The following MRPS31 variants were observed in gnomAD, a reference collection of about 807,000 sequenced individuals.
MRPS31 encodes the protein small ribosomal subunit protein mS31.
In MRPS31, 32 loss-of-function variants were observed where a neutral mutation model predicts 43.1. The observed-to-expected ratio is 0.74, with a 90% confidence interval of 0.56 to 1.00. MRPS31 has a LOEUF of 1.00. Ranked by LOEUF, MRPS31 falls within the 50% of genes least tolerant of loss-of-function variation. MRPS31 has a pLI of 0.00. For synonymous variants in MRPS31, 165 were observed against 161.6 expected (o/e 1.02, Z -0.16); for missense variants, 437 against 466.7 (o/e 0.94, Z 0.59).
intron 6 of MRPS31, among the ~76,000 whole-genome samples, chr13:40,730,350 T>C (rs1394010792): frequency 1.3e-5 from 2 of 151,570 alleles, no homozygotes; most frequent in Non-Finnish European, 2.9e-5. Context: ...GGTGAAACCC[T>C]ATCTCCACTA....
At chr13:40,734,450 A>C (rs557145481) in intron 6 of MRPS31, among the ~76,000 whole-genome samples, 24 of 152,286 alleles carry the variant, frequency 1.6e-4, no homozygotes, top group Middle Eastern at 3.4e-3. Flanking sequence ...GAAATTCAAT[A>C]TTTTTGTGCA....
intron 3 of MRPS31, among the ~76,000 whole-genome samples, chr13:40,757,303 G>C (rs1276124225): frequency 2.0e-5 from 3 of 152,114 alleles, no homozygotes; most frequent in Non-Finnish European, 4.4e-5. Flanking sequence ...AGTAAAATCA[G>C]TATCTGTTAT....
At chr13:40,761,996 C>T (rs1815998110) in intron 2 of MRPS31, among the ~76,000 whole-genome samples, 2 of 151,684 alleles carry the variant, frequency 1.3e-5, no homozygotes, top group South Asian at 4.2e-4. Context: ...TATCCCAGCA[C>T]TTTGGGAGGC....
chr13:40,756,753 G>A, intron 4 of MRPS31, 120 bp downstream of exon 4: 2 of 1,114,902 alleles, frequency 1.8e-6, no homozygotes, highest in Non-Finnish European at 2.6e-6. Context: ...AGATGTAAAT[G>A]TATTCATAAT....
intron 2 of MRPS31, among the ~76,000 whole-genome samples, chr13:40,762,701 G>A (rs1880732243): frequency 6.6e-6 from 1 of 151,834 alleles, no homozygotes; most frequent in African/African-American, 2.4e-5. Flanking sequence ...CTCCCAAAGT[G>A]CTGGGATTAC....
Position 40,729,591 on chromosome 13 carries a change from A to G in MRPS31, c.969T>C (p.Asp323=), listed in dbSNP as rs1318993963. The change falls in exon 7 of 7, where the codon GAT becomes GAC. Residue 323 remains aspartate, a synonymous_variant. Coordinates refer to ENST00000323563, the MANE Select transcript of MRPS31 (RefSeq NM_005830.4). ...TATGTTCATGAAATTCTGAACCATC[A>G]TCATCAAAACCTAGGAAATGAGACC... ...FPINNEAGFD[D]DGSEFHEHIF... 10 of 1,610,514 alleles carry G rather than the reference A, an allele frequency of 6.2e-6. No homozygotes were observed. The highest frequency in any genetic ancestry group is 8.5e-6 in the Non-Finnish European group (10 of 1,177,052).
chr13:40,768,386 T>A (rs75686251), intron 1 of MRPS31, among the ~76,000 whole-genome samples: 1 of 139,168 alleles, frequency 7.2e-6, no homozygotes, highest in Admixed American at 7.6e-5. Context: ...GGCACTGACC[T>A]CCAACAGGCA....
intron 5 of MRPS31, among the ~76,000 whole-genome samples, chr13:40,750,259 A>G (rs548046622): frequency 6.7e-4 from 102 of 152,296 alleles, no homozygotes; most frequent in Non-Finnish European, 1.1e-3. Context: ...TGAGTCAAAG[A>G]AGCCAGATGC....
intron 2 of MRPS31, among the ~76,000 whole-genome samples, 198 bp from the exon 3 acceptor site, chr13:40,759,304 G>C (rs1337430677): frequency 1.3e-5 from 2 of 152,128 alleles, no homozygotes; most frequent in Non-Finnish European, 2.9e-5. Flanking sequence ...GGGCGTGGTG[G>C]CGCACGCCTG....
intron 6 of MRPS31, among the ~76,000 whole-genome samples, chr13:40,746,914 T>C (rs1231703158): frequency 6.6e-6 from 1 of 152,184 alleles, no homozygotes; most frequent in Admixed American, 6.5e-5. Flanking sequence ...TCTTGTATAA[T>C]GAGTCCTATT....
intron 5 of MRPS31, among the ~76,000 whole-genome samples, chr13:40,750,926 C>T (rs779286200): frequency 2.0e-4 from 30 of 151,816 alleles, no homozygotes; most frequent in African/African-American, 6.3e-4. Context: ...GAACAGTTTC[C>T]GGGTTAGAGG....
chr13:40,760,103 C>T (rs1488464812), intron 2 of MRPS31, among the ~76,000 whole-genome samples: 1 of 143,154 alleles, frequency 7.0e-6, no homozygotes, highest in African/African-American at 2.6e-5. Flanking sequence ...CGCCACTGCA[C>T]TCCAGCCTGG....
chr13:40,756,654 T>A (rs957360401), intron 4 of MRPS31, among the ~76,000 whole-genome samples: 1 of 152,192 alleles, frequency 6.6e-6, no homozygotes, highest in Non-Finnish European at 1.5e-5. Flanking sequence ...CATGGCCCGT[T>A]TTGATTTCAG....
At chr13:40,768,421 T>C (rs949608828) in intron 1 of MRPS31, among the ~76,000 whole-genome samples, 2 of 138,620 alleles carry the variant, frequency 1.4e-5, no homozygotes, top group Middle Eastern at 3.3e-3. Flanking sequence ...CCCCTGGAAG[T>C]CTTTAATATG....
At chr13:40,735,062 G>A (rs1233555587) in intron 6 of MRPS31, among the ~76,000 whole-genome samples, 1 of 152,236 alleles carries the variant, frequency 6.6e-6, no homozygotes, top group Non-Finnish European at 1.5e-5. Context: ...GTGGGCGCAG[G>A]TCAGTGGGTG....
In MRPS31 at chr13:40,754,003, G is replaced by A. The variant is rs1880462750; in HGVS notation, c.814+16C>T. 1.3e-6 allele frequency: 2 copies of A among 1,501,552 alleles called. No individual in the cohort carries two copies. The highest frequency in any genetic ancestry group is 1.8e-6 in the Non-Finnish European group (2 of 1,084,052). The allele number at this position is 1,501,552 out of a possible 1,614,324, so 93.0% of individuals were successfully genotyped here. A position where few individuals can be genotyped will look rare whatever the true frequency, so the allele number is the denominator to read the frequency against. ...AATGTTTCTCCACCTGAGAAAGAGT[G>A]TTATTCTTAACAAACCTGTTTCAGG... On this transcript the variant is annotated intron_variant, in intron 5 of 6. Transcript: ENST00000323563.
chr13:40,733,796 C>A (rs1244269835), intron 6 of MRPS31, among the ~76,000 whole-genome samples: 4 of 151,704 alleles, frequency 2.6e-5, no homozygotes, highest in Admixed American at 1.3e-4. Flanking sequence ...CATAGTAAAA[C>A]CCCGTCCCTA....
chr13:40,771,144 A>C lies in MRPS31; in HGVS notation c.-8T>G. The stretch of plus-strand genomic sequence containing the variant: ...CGAGACTCTAGGAAACATCGCCGAG[A>C]CACGAAATGAACCAAGAACACAACT... On this transcript the variant is annotated 5_prime_UTR_variant, in exon 1 of 7. Coordinates refer to ENST00000323563, the MANE Select transcript of MRPS31 (RefSeq NM_005830.4). 6.3e-7 allele frequency: 1 copy of C among 1,595,278 alleles called. No individual in the cohort carries two copies.
At chr13:40,736,714 T>C (rs1879920177) in intron 6 of MRPS31, among the ~76,000 whole-genome samples, 1 of 148,678 alleles carries the variant, frequency 6.7e-6, no homozygotes, top group Non-Finnish European at 1.5e-5. Flanking sequence ...TAAAATACTT[T>C]ACAGACAAGC....
Sources: allele counts gnomAD v4.1 joint callset (sites outside exome capture counted in the v4.1 genomes callset), GRCh38; gene constraint gnomAD v4.1.1; transcripts MANE v1.5; gene names NCBI Gene and HGNC (gene_info 2026-07-23, HGNC 2026-07-21).